Variants in RAB40C observed in about 807,000 individuals in gnomAD.
The protein encoded by RAB40C is RAB40C, member RAS oncogene family, also known as ras-related protein Rab-40C.
Under a neutral mutation model 28.1 loss-of-function variants are expected in RAB40C, and 8 were observed. The observed-to-expected ratio is 0.28, with a 90% CI of 0.17 to 0.51. The LOEUF (loss-of-function observed/expected upper bound fraction) is 0.51. Ranked by LOEUF, RAB40C falls within the 20% of genes least tolerant of loss-of-function variation. The pLI is 0.97. For synonymous variants in RAB40C, 201 were observed against 171.7 expected (o/e 1.17, Z -1.34); for missense variants, 288 against 405.9 (o/e 0.71, Z 2.50).
rs550946094 is a variant in RAB40C, at chr16:590,237, C to T, written c.-55C>T. 2 of 1,299,168 alleles carry T rather than the reference C, an allele frequency of 1.5e-6. No homozygotes were observed. The highest frequency in any genetic ancestry group is 2.0e-6 in the Non-Finnish European group (2 of 1,013,188). The allele number at this position is 1,299,168 out of a possible 1,614,324, so 80.5% of individuals were successfully genotyped here. A position where few individuals can be genotyped will look rare whatever the true frequency, so the allele number is the denominator to read the frequency against. On this transcript the variant is annotated 5_prime_UTR_variant, in exon 1 of 6. Coordinates refer to ENST00000248139, the MANE Select transcript of RAB40C (RefSeq NM_021168.5). ...GGGCGCGGGCTCTCTCACGCCGCGG[C>T]CTCACCCGGCGGTGCTTCGGCAGGC...
rs868385492 is a variant in RAB40C, at chr16:597,074, C to T, written c.142+6641C>T. Among the ~76,000 whole-genome samples the T allele has an allele frequency of 5.3e-4, 81 of 152,200 alleles. 1 individual carries two copies. Among genetic ancestry groups the T allele is most frequent in the South Asian group, 4.2e-3 (20 of 4,814 alleles). ...GGAAGACCAGGGCACGACCAGACAC[C>T]GCCAGGGTGCTGCACATGTAGGTAG... On this transcript the variant is annotated intron_variant, in intron 1 of 5. Transcript: ENST00000248139.
chr16:610,739 C>T lies in RAB40C; in HGVS notation c.143-6469C>T, dbSNP rs566268820. Among the ~76,000 whole-genome samples, 5 of 152,048 alleles carry T rather than the reference C, an allele frequency of 3.3e-5. No homozygotes were observed. The highest frequency in any genetic ancestry group is 4.4e-5 in the Non-Finnish European group (3 of 67,958). ...CCTCCAGGAGCTCCTCCCTCTACCC[C>T]GCCCTGCCCCACCCCGTCACCTGCT... On this transcript the variant is annotated intron_variant, in intron 1 of 5. Coordinates refer to ENST00000248139, the MANE Select transcript of RAB40C (RefSeq NM_021168.5). This position sits in a 1 kb window ranked among gnomAD's most constrained non-coding sequence, Gnocchi z 4.6.
intron 3 of RAB40C, chr16:625,166 T>G: frequency 7.2e-7 from 1 of 1,385,086 alleles, no homozygotes. Context: ...CACAGGCTGA[T>G]GGCTCCAGGG....
intron 1 of RAB40C, 59 bp downstream of exon 1, chr16:590,492 AC>A: frequency 6.9e-7 from 1 of 1,454,074 alleles, no homozygotes; most frequent in Non-Finnish European, 9.1e-7. Flanking sequence ...CGAGCTGGGC[AC>A]GGAGCTCGCC....
At chr16:625,859 C>A in intron 4 of RAB40C, 40 bp from the exon 5 acceptor site, 1 of 1,554,446 alleles carries the variant, frequency 6.4e-7, no homozygotes, top group Admixed American at 1.8e-5. Context: ...GGGTGGGTGG[C>A]ACCCTGCGTT....
At position 625,463 on chromosome 16, in the gene RAB40C, G is replaced by A. The variant is rs748038180; in HGVS notation, c.296G>A (p.Arg99His). Reference sequence around the variant, plus strand: ...CTCTTGGTGTATGACATCACCAACCGCTGGTCCTTTGACGGCATCGACCGC... The same window carrying A: ...CTCTTGGTGTATGACATCACCAACCACTGGTCCTTTGACGGCATCGACCGC... Reference protein sequence around the residue: ...GILLVYDITNRWSFDGIDRWI... With the variant: ...GILLVYDITNHWSFDGIDRWI... Residue 99 changes from arginine (R) to histidine (H), a missense_variant, in exon 4 of 6, where the codon CGC (arginine) becomes CAC (histidine). Arg to His is a conservative substitution (Grantham distance 29). Around this residue, in one of 3 missense-constraint regions of RAB40C, gnomAD observed 153 missense variants for 262.4 expected, o/e 0.58. Transcript: ENST00000248139. 2.5e-6 allele frequency: 4 copies of A among 1,613,438 alleles called. No homozygotes were observed. The highest frequency in any genetic ancestry group is 2.5e-6 in the Non-Finnish European group (3 of 1,179,966).
intron 1 of RAB40C, among the ~76,000 whole-genome samples, chr16:615,736 C>A (rs570108884): frequency 2.0e-5 from 3 of 151,944 alleles, no homozygotes; most frequent in Non-Finnish European, 4.4e-5. Context: ...CCAAGGCGGG[C>A]GAATCACCTG....
chr16:596,581 A>C, intron 1 of RAB40C: 1 of 324,148 alleles, frequency 3.1e-6, no homozygotes, highest in Non-Finnish European at 6.1e-6. Context: ...AACGCTGCCG[A>C]ACCACTGTGA....
At chr16:625,669 G>A in intron 4 of RAB40C, 160 bp downstream of exon 4, 1 of 891,246 alleles carries the variant, frequency 1.1e-6, no homozygotes, top group Non-Finnish European at 1.7e-6. Flanking sequence ...TGGTCACTGT[G>A]CACACGACAG....
chr16:593,478 G>C (rs1429419683), intron 1 of RAB40C, among the ~76,000 whole-genome samples: 1 of 152,248 alleles, frequency 6.6e-6, no homozygotes, highest in African/African-American at 2.4e-5. Flanking sequence ...GCTGGGCAGT[G>C]GGTGCCCTTG....
intron 1 of RAB40C, among the ~76,000 whole-genome samples, chr16:602,101 G>A (rs2036264878): frequency 6.6e-6 from 1 of 152,116 alleles, no homozygotes; most frequent in African/African-American, 2.4e-5. Context: ...ACTCCAGCCT[G>A]GGCAACAGCT....
At chr16:611,740 C>T (rs2036491319) in intron 1 of RAB40C, among the ~76,000 whole-genome samples, 1 of 91,258 alleles carries the variant, frequency 1.1e-5, no homozygotes, top group African/African-American at 4.7e-5. Context: ...CAGGGACAGC[C>T]GCCCTGGCCT....
At chr16:596,974 G>A (rs1000425270) in intron 1 of RAB40C, among the ~76,000 whole-genome samples, 16 of 152,200 alleles carry the variant, frequency 1.1e-4, no homozygotes, top group African/African-American at 3.6e-4. Context: ...ATTTCTGGAC[G>A]TTTGTCCTTC....
intron 1 of RAB40C, among the ~76,000 whole-genome samples, chr16:593,628 C>T (rs935953280): frequency 6.6e-5 from 10 of 152,232 alleles, no homozygotes; most frequent in Non-Finnish European, 7.3e-5. Flanking sequence ...ATTGCCCTCT[C>T]CAGCTTCACA....
intron 1 of RAB40C, among the ~76,000 whole-genome samples, chr16:593,633 T>C (rs1874869151): frequency 6.6e-6 from 1 of 152,248 alleles, no homozygotes. Context: ...CCTCTCCAGC[T>C]TCACAAACAA....
intron 1 of RAB40C, among the ~76,000 whole-genome samples, chr16:609,713 A>G (rs1052278216): frequency 6.6e-6 from 1 of 152,250 alleles, no homozygotes; most frequent in Non-Finnish European, 1.5e-5. Context: ...ATAAATAAGC[A>G]GCACATTTTA....
chr16:627,458 G>T lies in RAB40C; in HGVS notation c.682G>T (p.Ala228Ser). 1 of 1,614,034 alleles carries T rather than the reference G, an allele frequency of 6.2e-7. No individual in the cohort carries two copies. The highest frequency in any genetic ancestry group is 8.5e-7 in the Non-Finnish European group (1 of 1,180,014). The change falls in exon 6 of 6, where the codon GCC becomes TCC. Residue 228 changes from alanine to serine, a missense_variant. Around this residue, in one of 3 missense-constraint regions of RAB40C, gnomAD observed 153 missense variants for 262.4 expected, o/e 0.58. Coordinates refer to ENST00000248139, the MANE Select transcript of RAB40C (RefSeq NM_021168.5). Reference sequence around the variant, plus strand: ...GAGCCACCTCAAGTCCTTCTCGATGGCCAACGGCATGAACGCGGTCATGAT... The same window carrying T: ...GAGCCACCTCAAGTCCTTCTCGATGTCCAACGGCATGAACGCGGTCATGAT... ...IKSHLKSFSM[A>S]NGMNAVMMHG...
chr16:624,016 A>G, intron 3 of RAB40C: 1 of 985,420 alleles, frequency 1.0e-6, no homozygotes, highest in South Asian at 4.7e-5. Context: ...CTTGGCCAGC[A>G]TGCACGCTTT....
chr16:625,648 C>T, intron 4 of RAB40C, 139 bp downstream of exon 4: 1 of 969,612 alleles, frequency 1.0e-6, no homozygotes, highest in East Asian at 2.6e-5. Flanking sequence ...ACGGCCTACG[C>T]CTGGGCATGC....
Sources: gnomAD v4.1 joint callset for allele counts (sites outside exome capture counted in the v4.1 genomes callset) on GRCh38, gnomAD v4.1.1 for gene constraint, gnomAD v4.1.1 regional missense constraint, Gnocchi (gnomAD v3.1) non-coding constraint, MANE v1.5 for transcripts, NCBI Gene and HGNC (gene_info 2026-07-23, HGNC 2026-07-21) for gene names.